Variants in SYNPR observed in about 807,000 individuals in gnomAD.
SYNPR encodes the protein synaptoporin.
Under a neutral mutation model 32.9 loss-of-function variants are expected in SYNPR, and 23 were observed. The observed-to-expected ratio is 0.70, with a 90% CI of 0.50 to 0.99. The LOEUF (loss-of-function observed/expected upper bound fraction) is 0.99, where lower values mean the gene tolerates loss of function less well. SYNPR is among the 50% of genes least tolerant of loss of function. The pLI is 0.00. For synonymous variants in SYNPR, 146 were observed against 135.9 expected (o/e 1.07, Z -0.52); for missense variants, 318 against 349.3 (o/e 0.91, Z 0.71).
intron 2 of SYNPR, among the ~76,000 whole-genome samples, chr3:63,365,360 G>C (rs773027006): frequency 6.6e-6 from 1 of 152,150 alleles, no homozygotes; most frequent in Non-Finnish European, 1.5e-5. Flanking sequence ...ACTGGACGTG[G>C]GGGTGGGTTG....
intron 2 of SYNPR, among the ~76,000 whole-genome samples, chr3:63,263,593 C>T (rs1343001278): frequency 6.6e-6 from 1 of 152,174 alleles, no homozygotes; most frequent in Non-Finnish European, 1.5e-5. Context: ...GCAGCTTTAC[C>T]AAGGATAGAG....
At chr3:63,245,887 T>G (rs1235350305) in intron 1 of SYNPR, among the ~76,000 whole-genome samples, 1 of 152,034 alleles carries the variant, frequency 6.6e-6, no homozygotes, top group Non-Finnish European at 1.5e-5. Flanking sequence ...TCATTAAATT[T>G]GCTCCTGATT....
chr3:63,243,540 T>C (rs2086263464), intron 1 of SYNPR, among the ~76,000 whole-genome samples: 1 of 152,198 alleles, frequency 6.6e-6, no homozygotes, highest in South Asian at 2.1e-4. Flanking sequence ...GAATAGTGTA[T>C]TGAAAGTGGT....
Position 63,252,650 on chromosome 3 carries a change from C to T in SYNPR, n.154+64C>T, listed in dbSNP as rs533447590. 4.6e-5 allele frequency: 7 copies of T among 152,260 alleles called. No homozygotes were observed. The East Asian group carries it at 9.7e-4, about 21-fold the overall frequency. The allele number at this position is 152,260 out of a possible 1,614,324, so 9.4% of individuals were successfully genotyped here. ...CAAGGAGGCATGATTTGAAAAGCTG[C>T]ACAAAATCCTGCGTTTTCATACCCC... On this transcript the variant is annotated intron_variant and non_coding_transcript_variant, in intron 2 of 4. Transcript: ENST00000478456.
intron 4 of SYNPR, among the ~76,000 whole-genome samples, chr3:63,595,908 TA>T (rs1699950646): frequency 1.1e-5 from 1 of 88,782 alleles, no homozygotes; most frequent in South Asian, 3.6e-4. Flanking sequence ...TATATAGTTA[TA>T]TATATATAGT....
chr3:63,516,077 C>T (rs1345653655), intron 3 of SYNPR, among the ~76,000 whole-genome samples: 3 of 152,000 alleles, frequency 2.0e-5, no homozygotes, highest in Admixed American at 6.6e-5. Flanking sequence ...ATTTTCAAGG[C>T]AAATTTCTCA....
At chr3:63,305,449 T>C (rs1006579310) in intron 2 of SYNPR, among the ~76,000 whole-genome samples, 1 of 152,048 alleles carries the variant, frequency 6.6e-6, no homozygotes, top group African/African-American at 2.4e-5. Flanking sequence ...AGTTTATTCC[T>C]TGTACTCCAA....
intron 2 of SYNPR, among the ~76,000 whole-genome samples, chr3:63,455,756 G>GGGGTGT (rs1553637948): frequency 6.9e-6 from 1 of 144,282 alleles, no homozygotes; most frequent in African/African-American, 2.6e-5. Flanking sequence ...TCATGTTTGG[G>GGGGTGT]GTGTGTGTGT....
chr3:63,553,899 T>G (rs924728060), intron 3 of SYNPR, among the ~76,000 whole-genome samples: 3 of 152,144 alleles, frequency 2.0e-5, no homozygotes, highest in African/African-American at 7.2e-5. Context: ...TTTTATATTT[T>G]TAGTAGAGAT....
intron 3 of SYNPR, among the ~76,000 whole-genome samples, chr3:63,529,409 T>A (rs776928237): frequency 6.6e-6 from 1 of 152,198 alleles, no homozygotes; most frequent in Non-Finnish European, 1.5e-5. Flanking sequence ...ATATCTTCAA[T>A]TTGTAGTTGG....
Position 63,536,424 on chromosome 3 carries a change from G to A in SYNPR, c.210-20119G>A, listed in dbSNP as rs904350823. On this transcript the variant is annotated intron_variant, in intron 3 of 5. Transcript: ENST00000478300. ...TCAAAACTACACTATTTCAGCCTCC[G>A]TGAGATGGTTAAAATAAAAAACACA... 5.3e-5 allele frequency among the ~76,000 whole-genome samples: 8 copies of A among 152,076 alleles called. No homozygotes were observed. The East Asian group carries it at 9.6e-4, about 18-fold the overall frequency.
intron 4 of SYNPR, among the ~76,000 whole-genome samples, chr3:63,571,748 C>T (rs918395307): frequency 6.8e-4 from 104 of 152,136 alleles, no homozygotes; most frequent in African/African-American, 2.3e-3. Flanking sequence ...GATACATGAA[C>T]GTATTCCTAA....
intron 3 of SYNPR, among the ~76,000 whole-genome samples, chr3:63,549,116 T>A (rs1175143134): frequency 1.3e-5 from 2 of 152,212 alleles, no homozygotes; most frequent in Non-Finnish European, 2.9e-5. Flanking sequence ...AATGTTAGAA[T>A]AACCCAGGAC....
intron 1 of SYNPR, among the ~76,000 whole-genome samples, chr3:63,230,457 T>A (rs965751607): frequency 6.6e-6 from 1 of 152,162 alleles, no homozygotes; most frequent in African/African-American, 2.4e-5. Context: ...AATTGACCCT[T>A]TTCACCTTCT....
At chr3:63,295,377 G>C (rs555309489) in intron 2 of SYNPR, among the ~76,000 whole-genome samples, 5 of 152,224 alleles carry the variant, frequency 3.3e-5, no homozygotes, top group African/African-American at 1.2e-4. Context: ...ACAAGTAATG[G>C]TTAGGTGTGT....
intron 4 of SYNPR, among the ~76,000 whole-genome samples, chr3:63,578,613 C>G (rs1703034397): frequency 6.6e-6 from 1 of 152,052 alleles, no homozygotes; most frequent in Non-Finnish European, 1.5e-5. Context: ...TAATAGCTGG[C>G]AATACTGACC....
intron 3 of SYNPR, among the ~76,000 whole-genome samples, chr3:63,484,171 C>G (rs904481670): frequency 3.3e-5 from 5 of 152,118 alleles, no homozygotes; most frequent in African/African-American, 1.2e-4. Flanking sequence ...GTTCCTGATT[C>G]CTATCAGAAA....
chr3:63,566,981 ACT>A lies in SYNPR; in HGVS notation c.408+10243_408+10244del, dbSNP rs1390704976. On this transcript the variant is annotated intron_variant, in intron 4 of 5. Coordinates refer to ENST00000478300, the MANE Select transcript of SYNPR (RefSeq NM_001130003.2). The stretch of plus-strand genomic sequence containing the variant: ...CTGAAACACAAGTGGATGGGTACAC[ACT>A]CTATTGACTTTCTCATCTTGAGAAA... 3.9e-5 allele frequency among the ~76,000 whole-genome samples: 6 copies of A among 151,982 alleles called. No individual in the cohort carries two copies. The East Asian group carries it at 1.2e-3, about 29-fold the overall frequency.
intron 3 of SYNPR, among the ~76,000 whole-genome samples, chr3:63,513,489 A>G (rs779120515): frequency 6.6e-6 from 1 of 152,132 alleles, no homozygotes; most frequent in Non-Finnish European, 1.5e-5. Context: ...GTATTATAGG[A>G]TAGATGAACC....
Sources: allele counts gnomAD v4.1 joint callset (sites outside exome capture counted in the v4.1 genomes callset), GRCh38; gene constraint gnomAD v4.1.1; transcripts MANE v1.5; gene names NCBI Gene and HGNC (gene_info 2026-07-23, HGNC 2026-07-21).